Variants in SIM1 observed in about 807,000 individuals in gnomAD.
SIM1 encodes the protein single-minded homolog 1.
SIM1 carries 18 observed loss-of-function variants against 78.2 expected under a neutral mutation model. The observed-to-expected ratio is 0.23, with a 90% confidence interval of 0.16 to 0.34. SIM1 has a LOEUF of 0.34. Among genes scored for constraint, SIM1 ranks in the 10% least tolerant of loss-of-function variants. The pLI, the probability that SIM1 is intolerant of heterozygous loss-of-function variation, is 1.00. For missense variants in SIM1, 939 were observed against 975.1 expected (o/e 0.96, Z 0.49); for synonymous variants, 417 against 385.2 (o/e 1.08, Z -0.97).
At chr6:100,408,395 A>G (rs943412631) in intron 10 of SIM1, among the ~76,000 whole-genome samples, 1 of 151,946 alleles carries the variant, frequency 6.6e-6, no homozygotes, top group African/African-American at 2.4e-5. Context: ...TGATTCATTC[A>G]TCTTTGTTCT....
chr6:100,449,178 C>G (rs1003146968), intron 6 of SIM1, among the ~76,000 whole-genome samples, 185 bp downstream of exon 6: 1 of 152,182 alleles, frequency 6.6e-6, no homozygotes, highest in Non-Finnish European at 1.5e-5. Flanking sequence ...TGTCTTTAAG[C>G]ATAGTCCCCA....
chr6:100,390,826 G>A lies in SIM1; in HGVS notation c.1836C>T (p.Pro612=), dbSNP rs779153540. Residue 612 remains proline, a synonymous_variant, in exon 12 of 12, where the codon CCC becomes CCT. Coordinates refer to ENST00000369208, the MANE Select transcript of SIM1 (RefSeq NM_005068.3). ...HSLCFANYQQ[P]PPTGEVCHGS... ...CATGGCAGACTTCACCTGTTGGTGGGGGCTGTTGGTAGTTTGCAAAACACA... is the reference window on the plus strand; with the variant it reads ...CATGGCAGACTTCACCTGTTGGTGGAGGCTGTTGGTAGTTTGCAAAACACA... The A allele has an allele frequency of 1.9e-6, 3 of 1,614,168 alleles. No individual in the cohort carries two copies. Among genetic ancestry groups the A allele is most frequent in the Admixed American group, 1.7e-5 (1 of 60,024 alleles).
At chr6:100,406,089 G>T (rs1029803393) in intron 10 of SIM1, among the ~76,000 whole-genome samples, 1 of 152,094 alleles carries the variant, frequency 6.6e-6, no homozygotes, top group Non-Finnish European at 1.5e-5. Context: ...TGGCATCCAC[G>T]GCTGTAAATG....
At chr6:100,447,177 G>T in intron 9 of SIM1, 91 bp downstream of exon 9, 1 of 1,468,026 alleles carries the variant, frequency 6.8e-7, no homozygotes, top group Non-Finnish European at 9.3e-7. Context: ...CGTGGCCCGA[G>T]CCTTGTCTAA....
At chr6:100,395,983 A>G (rs1582603913) in intron 10 of SIM1, 2 of 469,322 alleles carry the variant, frequency 4.3e-6, no homozygotes, top group Non-Finnish European at 2.8e-6. Context: ...AAGAAAAAAA[A>G]TTAGAAAATC....
At position 100,461,688 on chromosome 6, in the gene SIM1, T is replaced by A. The variant is rs566516525; in HGVS notation, c.175+1606A>T. Among the ~76,000 whole-genome samples, 62 of 152,286 alleles carry A rather than the reference T, an allele frequency of 4.1e-4. 1 individual carries two copies. The South Asian group carries it at 0.012, about 30-fold the overall frequency. On this transcript the variant is annotated intron_variant, in intron 2 of 11. Transcript: ENST00000369208. Reference sequence around the variant, plus strand: ...ATTTTTATAAAGTAGGCGCTGACAGTATAAAAGACAACGAGATCTCTTTTT... The same window carrying A: ...ATTTTTATAAAGTAGGCGCTGACAGAATAAAAGACAACGAGATCTCTTTTT...
chr6:100,424,307 A>G (rs959008602), intron 9 of SIM1, among the ~76,000 whole-genome samples: 3 of 152,110 alleles, frequency 2.0e-5, no homozygotes, highest in South Asian at 2.1e-4. Context: ...AAAATAATCC[A>G]CCAAAATTTA....
chr6:100,394,595 G>A (rs1321148456), intron 10 of SIM1, among the ~76,000 whole-genome samples: 1 of 152,068 alleles, frequency 6.6e-6, no homozygotes, highest in African/African-American at 2.4e-5. Flanking sequence ...GGTAGAGACA[G>A]GGTCTTACTT....
At chr6:100,396,481 T>C (rs751542327) in intron 10 of SIM1, among the ~76,000 whole-genome samples, 3 of 152,220 alleles carry the variant, frequency 2.0e-5, no homozygotes, top group East Asian at 3.9e-4. Context: ...GAGGTATACA[T>C]TTCAAGAGCA....
At chr6:100,407,606 A>G (rs1267718192) in intron 10 of SIM1, among the ~76,000 whole-genome samples, 2 of 151,988 alleles carry the variant, frequency 1.3e-5, no homozygotes. Context: ...CTTTGTCAAC[A>G]CTTACCTCTT....
chr6:100,424,717 A>G (rs1421464075), intron 9 of SIM1, among the ~76,000 whole-genome samples: 1 of 152,118 alleles, frequency 6.6e-6, no homozygotes, highest in Non-Finnish European at 1.5e-5. Context: ...CTGGGATTAC[A>G]GGGGTGAGCC....
At chr6:100,434,120 G>A (rs1439641786) in intron 9 of SIM1, among the ~76,000 whole-genome samples, 1 of 152,152 alleles carries the variant, frequency 6.6e-6, no homozygotes, top group Non-Finnish European at 1.5e-5. Context: ...TTTTCTTCCT[G>A]GTTTTCAATT....
intron 9 of SIM1, among the ~76,000 whole-genome samples, chr6:100,422,043 C>T (rs1771603012): frequency 6.6e-6 from 1 of 152,170 alleles, no homozygotes; most frequent in Non-Finnish European, 1.5e-5. Flanking sequence ...TCACTTCTAG[C>T]AAGTGTACAA....
Position 100,450,355 on chromosome 6 carries a change from G to T in SIM1, c.260C>A (p.Thr87Asn), listed in dbSNP as rs763676598. The change falls in exon 4 of 12, where the codon ACC becomes AAC. Residue 87 changes from threonine (T) to asparagine (N), a missense_variant and splice_region_variant. Physicochemically the swap from Thr to Asn is moderately conservative, Grantham distance 65 (BLOSUM62 0). Around this residue, in one of 5 missense-constraint regions of SIM1, gnomAD observed 121 missense variants for 124.6 expected, o/e 0.97. Transcript: ENST00000369208. Reference sequence around the variant, plus strand: ...TACCACGAAGATGAAGCCATCCAGGGTCTGGGGAGGCACAAATAGAGAGAA... The same window carrying T: ...TACCACGAAGATGAAGCCATCCAGGTTCTGGGGAGGCACAAATAGAGAGAA... The part of the protein sequence containing the change: ...GRELGSHLLQ[T>N]LDGFIFVVAP... The T allele has an allele frequency of 1.2e-6, 2 of 1,613,886 alleles. No homozygotes were observed. The highest frequency in any genetic ancestry group is 1.7e-6 in the Non-Finnish European group (2 of 1,179,892).
chr6:100,430,582 G>T (rs241815), intron 9 of SIM1, among the ~76,000 whole-genome samples: 135,160 of 152,142 alleles, frequency 0.89, 60,231 homozygotes, highest in African/African-American at 0.95. Flanking sequence ...TATGTTATTC[G>T]GGCTGCCTCT....
In SIM1 at chr6:100,463,545, G is replaced by A; in HGVS notation, c.-77C>T. The A allele has an allele frequency of 7.2e-7, 1 of 1,392,632 alleles. No individual in the cohort carries two copies. The allele number at this position is 1,392,632 out of a possible 1,614,324, so 86.3% of individuals were successfully genotyped here. ...AAAACCAAAAATAAACTTTCAATTA[G>A]AGATCATATTTGGCAAAAACATAAA... On this transcript the variant is annotated 5_prime_UTR_variant, in exon 2 of 12. Coordinates refer to ENST00000369208, the MANE Select transcript of SIM1 (RefSeq NM_005068.3).
intron 10 of SIM1, among the ~76,000 whole-genome samples, chr6:100,402,604 G>A (rs1770947727): frequency 1.1e-5 from 1 of 88,390 alleles, no homozygotes; most frequent in Non-Finnish European, 2.3e-5. Context: ...TTGAGACGGA[G>A]TCTCGCCCTG....
intron 9 of SIM1, among the ~76,000 whole-genome samples, chr6:100,429,959 T>C (rs1295467685): frequency 6.6e-6 from 1 of 152,210 alleles, no homozygotes; most frequent in East Asian, 1.9e-4. Flanking sequence ...CACTTTCTGA[T>C]CTGTTTACCA....
At position 100,391,371 on chromosome 6, in the gene SIM1, A is replaced by T. The variant is rs1770635988; in HGVS notation, c.1571-280T>A. Reference sequence around the variant, plus strand: ...ACCTTGTTCATTGTGAATGACAATTAGCAAAATGGTAAAGTGTGTTTATAC... The same window carrying T: ...ACCTTGTTCATTGTGAATGACAATTTGCAAAATGGTAAAGTGTGTTTATAC... On this transcript the variant is annotated intron_variant, in intron 11 of 11. Transcript: ENST00000369208. Among the ~76,000 whole-genome samples the T allele has an allele frequency of 2.0e-5, 3 of 152,354 alleles. No individual in the cohort carries two copies. In the South Asian group the frequency reaches 6.2e-4, roughly 32 times the overall value.
Sources: allele counts gnomAD v4.1 joint callset (sites outside exome capture counted in the v4.1 genomes callset), GRCh38; gene constraint gnomAD v4.1.1; regional missense constraint gnomAD v4.1.1; transcripts MANE v1.5; gene names NCBI Gene and HGNC (gene_info 2026-07-23, HGNC 2026-07-21).